The following TAFA1 variants were observed in gnomAD, a reference collection of about 807,000 sequenced individuals.
The protein encoded by TAFA1 is TAFA chemokine like family member 1.
A neutral mutation model predicts 18.5 loss-of-function variants in TAFA1; 4 were observed. The observed-to-expected ratio is 0.22, with a 90% CI of 0.11 to 0.49. The LOEUF is 0.49. TAFA1 is among the 20% of genes least tolerant of loss of function. The pLI, the probability that TAFA1 is intolerant of heterozygous loss-of-function variation, is 0.98. For missense variants in TAFA1, 147 were observed against 169.0 expected (o/e 0.87, Z 0.72); for synonymous variants, 56 against 55.2 (o/e 1.01, Z -0.06).
chr3:68,520,414 ATTTC>A (rs1168939347), intron 3 of TAFA1, among the ~76,000 whole-genome samples: 8 of 152,058 alleles, frequency 5.3e-5, no homozygotes, highest in African/African-American at 1.9e-4. Flanking sequence ...TTTTCTCCCA[ATTTC>A]TTTCTTGTGC....
At chr3:68,045,951 A>G (rs1705259026) in intron 2 of TAFA1, among the ~76,000 whole-genome samples, 1 of 152,216 alleles carries the variant, frequency 6.6e-6, no homozygotes, top group African/African-American at 2.4e-5. Context: ...ATTGTCATAA[A>G]TTAATTACTA....
chr3:68,328,669 T>A (rs1157896775), intron 2 of TAFA1, among the ~76,000 whole-genome samples: 2 of 152,200 alleles, frequency 1.3e-5, no homozygotes, highest in Non-Finnish European at 2.9e-5. Context: ...ATTTTGGAAT[T>A]CTCTTTGCCT....
At chr3:68,149,664 G>A (rs1006999230) in intron 2 of TAFA1, among the ~76,000 whole-genome samples, 1 of 152,200 alleles carries the variant, frequency 6.6e-6, no homozygotes, top group Non-Finnish European at 1.5e-5. Context: ...TGCCAGGAGG[G>A]ATTTGTCCCC....
intron 2 of TAFA1, among the ~76,000 whole-genome samples, chr3:68,235,766 T>C (rs2066921036): frequency 6.6e-6 from 1 of 152,196 alleles, no homozygotes; most frequent in South Asian, 2.1e-4. Context: ...ACTGTCTTTT[T>C]GCTGGACTTA....
intron 2 of TAFA1, among the ~76,000 whole-genome samples, chr3:68,179,559 T>C (rs2066169435): frequency 6.6e-6 from 1 of 152,190 alleles, no homozygotes; most frequent in Non-Finnish European, 1.5e-5. Context: ...TTCTAAATTA[T>C]TAAATAATAA....
chr3:68,052,979 T>C (rs1461952944), intron 2 of TAFA1, among the ~76,000 whole-genome samples: 4 of 152,212 alleles, frequency 2.6e-5, no homozygotes, highest in African/African-American at 9.6e-5. Context: ...TTGCCTTGCA[T>C]TGGACAGGAA....
intron 2 of TAFA1, among the ~76,000 whole-genome samples, chr3:68,373,563 C>A (rs2069753512): frequency 6.6e-6 from 1 of 152,188 alleles, no homozygotes; most frequent in Admixed American, 6.5e-5. Flanking sequence ...TAAGGTACCC[C>A]ATGCCCTCTT....
chr3:68,071,158 G>C (rs775536533), intron 2 of TAFA1, among the ~76,000 whole-genome samples: 3 of 152,226 alleles, frequency 2.0e-5, no homozygotes, highest in Non-Finnish European at 2.9e-5. Flanking sequence ...ATTTATACAG[G>C]AAAAAGGGTT....
intron 2 of TAFA1, among the ~76,000 whole-genome samples, chr3:68,396,818 T>C (rs572150959): frequency 6.6e-6 from 1 of 152,226 alleles, no homozygotes; most frequent in Non-Finnish European, 1.5e-5. Flanking sequence ...TTTCATCACG[T>C]TATTTTACCT....
chr3:68,482,709 A>G (rs948855187), intron 3 of TAFA1, among the ~76,000 whole-genome samples: 3 of 152,170 alleles, frequency 2.0e-5, no homozygotes, highest in Admixed American at 6.5e-5. Context: ...GCAGGCTGAC[A>G]TTAACATAGT....
chr3:68,434,647 C>T (rs1431730516), intron 3 of TAFA1, among the ~76,000 whole-genome samples: 1 of 152,086 alleles, frequency 6.6e-6, no homozygotes, highest in Non-Finnish European at 1.5e-5. Flanking sequence ...TTACACATAA[C>T]TTGTGACCAA....
chr3:68,057,996 C>T (rs563470416), intron 2 of TAFA1, among the ~76,000 whole-genome samples: 1 of 152,264 alleles, frequency 6.6e-6, no homozygotes, highest in Non-Finnish European at 1.5e-5. Context: ...CAAGGTAATA[C>T]ATTTTTGTAT....
At chr3:68,280,355 C>G (rs954826044) in intron 2 of TAFA1, among the ~76,000 whole-genome samples, 5 of 152,186 alleles carry the variant, frequency 3.3e-5, no homozygotes, top group African/African-American at 1.2e-4. Context: ...GGCTGGCAAT[C>G]TCTCTTTGTA....
intron 2 of TAFA1, among the ~76,000 whole-genome samples, chr3:68,369,574 C>T (rs570035325): frequency 6.6e-6 from 1 of 152,174 alleles, no homozygotes; most frequent in Non-Finnish European, 1.5e-5. Context: ...AGTCACAGTT[C>T]AAAGATGATA....
intron 2 of TAFA1, among the ~76,000 whole-genome samples, chr3:68,219,998 A>C (rs1240882595): frequency 1.3e-5 from 2 of 152,184 alleles, no homozygotes; most frequent in Admixed American, 6.5e-5. Flanking sequence ...ATACAAAAGA[A>C]GGTTTTGTCC....
chr3:68,475,769 C>A (rs1488489492), intron 3 of TAFA1, among the ~76,000 whole-genome samples: 2 of 136,338 alleles, frequency 1.5e-5, no homozygotes, highest in Non-Finnish European at 3.3e-5. Flanking sequence ...AGTTTACAGT[C>A]CCACCAACAG....
At chr3:68,461,438 G>A (rs2071779950) in intron 3 of TAFA1, among the ~76,000 whole-genome samples, 1 of 147,260 alleles carries the variant, frequency 6.8e-6, no homozygotes, top group African/African-American at 2.5e-5. Context: ...ACCTGGCTAT[G>A]TGATCCAATT....
intron 2 of TAFA1, among the ~76,000 whole-genome samples, chr3:68,275,986 A>G (rs2067788791): frequency 6.6e-6 from 1 of 152,132 alleles, no homozygotes; most frequent in African/African-American, 2.4e-5. Context: ...CAAACTTAGT[A>G]TCTGGGCCCT....
intron 2 of TAFA1, among the ~76,000 whole-genome samples, chr3:68,095,645 G>T (rs1019703026): frequency 1.3e-5 from 2 of 152,046 alleles, no homozygotes; most frequent in Non-Finnish European, 2.9e-5. Context: ...AGATTATCTG[G>T]TGATGATAAT....
Sources: gnomAD v4.1 joint callset for allele counts (sites outside exome capture counted in the v4.1 genomes callset) on GRCh38, gnomAD v4.1.1 for gene constraint, MANE v1.5 for transcripts, NCBI Gene and HGNC (gene_info 2026-07-23, HGNC 2026-07-21) for gene names.